Variants in PXDN observed in about 807,000 individuals in gnomAD.
The protein encoded by PXDN is peroxidasin, also known as peroxidasin homolog.
A neutral mutation model predicts 140.3 loss-of-function variants in PXDN; 77 were observed. That is an observed-to-expected ratio of 0.55 (90% CI 0.46 to 0.66). The LOEUF (loss-of-function observed/expected upper bound fraction) is 0.66, where lower values mean the gene tolerates loss of function less well. Ranked by LOEUF, PXDN falls within the 30% of genes least tolerant of loss-of-function variation. The pLI is 0.00. For missense variants in PXDN, 1,838 were observed against 2,039.5 expected (o/e 0.90, Z 1.90); for synonymous variants, 911 against 857.4 (o/e 1.06, Z -1.09).
At chr2:1,657,308 G>GT (rs1683167383) in intron 14 of PXDN, among the ~76,000 whole-genome samples, 1 of 147,312 alleles carries the variant, frequency 6.8e-6, no homozygotes, top group African/African-American at 2.5e-5. Context: ...ACAGGGACCT[G>GT]CCCCTCCTGA....
At chr2:1,668,673 T>C (rs1168213553) in intron 9 of PXDN, among the ~76,000 whole-genome samples, 1 of 150,844 alleles carries the variant, frequency 6.6e-6, no homozygotes, top group Non-Finnish European at 1.5e-5. Flanking sequence ...AAGAAATTTA[T>C]GTGGCCAACA....
chr2:1,690,749 G>T (rs541147309), intron 3 of PXDN, among the ~76,000 whole-genome samples: 1 of 149,754 alleles, frequency 6.7e-6, no homozygotes, highest in African/African-American at 2.4e-5. Context: ...ATGTTTATAT[G>T]AAATTAAAAA....
chr2:1,731,655 C>T (rs1181677353), intron 1 of PXDN, among the ~76,000 whole-genome samples: 3 of 152,170 alleles, frequency 2.0e-5, no homozygotes, highest in African/African-American at 7.2e-5. Context: ...CAGCCACAGA[C>T]GAAATGGAGA....
chr2:1,660,493 G>A lies in PXDN; in HGVS notation c.1837+388C>T, dbSNP rs1462422707. ...CCGAGGAGAGAGAAACCGCAGCTAA[G>A]GAATCAGAATCTCTTCAAGCAACCA... is the stretch of plus-strand genomic sequence containing the variant. On this transcript the variant is annotated intron_variant, in intron 14 of 22. Coordinates refer to ENST00000252804, the MANE Select transcript of PXDN (RefSeq NM_012293.3). This position sits in a 1 kb window ranked among gnomAD's most constrained non-coding sequence, Gnocchi z 4.6. 6.6e-6 allele frequency among the ~76,000 whole-genome samples: 1 copy of A among 152,240 alleles called. No individual in the cohort carries two copies. The highest frequency in any genetic ancestry group is 2.4e-5 in the African/African-American group (1 of 41,474).
chr2:1,663,165 G>A (rs1228030345), intron 12 of PXDN, among the ~76,000 whole-genome samples: 5 of 152,120 alleles, frequency 3.3e-5, no homozygotes, highest in Non-Finnish European at 4.4e-5. Context: ...AAGGATGAGC[G>A]GGCAGACGGG....
chr2:1,677,655 G>A (rs73180770), intron 7 of PXDN, among the ~76,000 whole-genome samples: 6,265 of 151,784 alleles, frequency 0.041, 437 homozygotes, highest in African/African-American at 0.14. Context: ...GGCCTTCCTC[G>A]AGGGCTGACG....
chr2:1,716,109 G>C (rs779751068), intron 1 of PXDN, among the ~76,000 whole-genome samples: 6 of 152,100 alleles, frequency 3.9e-5, no homozygotes, highest in Non-Finnish European at 8.8e-5. Context: ...ACAGATGCCT[G>C]GGCCTCTCTG....
At chr2:1,647,997 C>T (rs377168967) in intron 17 of PXDN, among the ~76,000 whole-genome samples, 175 bp downstream of exon 17, 2 of 152,130 alleles carry the variant, frequency 1.3e-5, no homozygotes, top group East Asian at 1.9e-4. Context: ...CCCACAACCA[C>T]GCAGCCACGG....
Position 1,643,204 on chromosome 2 carries a change from G to A in PXDN, c.3952+164C>T, listed in dbSNP as rs556306553. ...CAACTTTGTTCATATTTTTGGCTCC[G>A]CAGTCCATCTCAGCATGGATACAGC... On this transcript the variant is annotated intron_variant, in intron 19 of 22. Coordinates refer to ENST00000252804, the MANE Select transcript of PXDN (RefSeq NM_012293.3). Among the ~76,000 whole-genome samples, 7 of 152,252 alleles carry A rather than the reference G, an allele frequency of 4.6e-5. No individual in the cohort carries two copies. In the South Asian group the frequency reaches 6.2e-4, roughly 14 times the overall value.
intron 1 of PXDN, among the ~76,000 whole-genome samples, chr2:1,743,379 C>G (rs1017540102): frequency 6.6e-6 from 1 of 152,208 alleles, no homozygotes; most frequent in Non-Finnish European, 1.5e-5. Context: ...CGGGCTGCCC[C>G]GAGACTACCG....
chr2:1,743,373 C>T (rs1049366301), intron 1 of PXDN, among the ~76,000 whole-genome samples: 2 of 152,236 alleles, frequency 1.3e-5, no homozygotes, highest in African/African-American at 4.8e-5. Context: ...TAGACCCGGG[C>T]TGCCCCGAGA....
In PXDN at chr2:1,651,714, G is replaced by A. The variant is rs952899044; in HGVS notation, c.2104+1914C>T. Among the ~76,000 whole-genome samples the A allele has an allele frequency of 2.0e-5, 3 of 152,138 alleles. No homozygotes were observed. The highest frequency in any genetic ancestry group is 7.2e-5 in the African/African-American group (3 of 41,426). ...TCGCCCTTGTGGGGTCCCTGCTCAC[G>A]TGTCACCTTCGCCCATGGGGAACAG... On this transcript the variant is annotated intron_variant, in intron 16 of 22. Transcript: ENST00000252804. This position sits in a 1 kb window ranked among gnomAD's most constrained non-coding sequence, Gnocchi z 4.4.
intron 11 of PXDN, 99 bp downstream of exon 11, chr2:1,664,859 G>A (rs1683394107): frequency 9.4e-7 from 1 of 1,064,002 alleles, no homozygotes; most frequent in African/African-American, 1.6e-5. Context: ...GCTCAGCCCT[G>A]TCCAGAACAC....
At chr2:1,728,332 G>A (rs1181503462) in intron 1 of PXDN, among the ~76,000 whole-genome samples, 1 of 152,246 alleles carries the variant, frequency 6.6e-6, no homozygotes, top group Non-Finnish European at 1.5e-5. Flanking sequence ...GCACCTGCTG[G>A]CAGGGTCCCT....
intron 3 of PXDN, among the ~76,000 whole-genome samples, chr2:1,690,388 C>A (rs1186811479): frequency 6.6e-6 from 1 of 152,040 alleles, no homozygotes; most frequent in Non-Finnish European, 1.5e-5. Context: ...CAGATGAGGT[C>A]GGAAGAGGGT....
chr2:1,667,611 G>T (rs1353602987), intron 9 of PXDN, among the ~76,000 whole-genome samples: 1 of 152,040 alleles, frequency 6.6e-6, no homozygotes, highest in Non-Finnish European at 1.5e-5. Flanking sequence ...GAGTCTCAGG[G>T]CACAAAATCA....
rs1684041330 is a variant in PXDN at position 1,685,752 on chromosome 2, A to G, written c.417-1601T>C. Among the ~76,000 whole-genome samples the G allele has an allele frequency of 6.6e-6, 1 of 151,992 alleles. No homozygotes were observed. The highest frequency in any genetic ancestry group is 2.1e-4 in the South Asian group (1 of 4,820). On this transcript the variant is annotated intron_variant, in intron 4 of 22. Coordinates refer to ENST00000252804, the MANE Select transcript of PXDN (RefSeq NM_012293.3). The surrounding 1 kb of genome is among the most constrained non-coding windows in gnomAD (Gnocchi z 5.1). ...CACCTGCTGCACAGGTGCTACGGGA[A>G]ATGACGGCCCAGGGTGCACAGGATC...
chr2:1,684,259 T>G lies in PXDN; in HGVS notation c.417-108A>C, dbSNP rs558801792. ...CATTTCAAATTCAGATATCAATAGA[T>G]AGCTCACTCACTAGACTTCCTACAT... On this transcript the variant is annotated intron_variant, in intron 4 of 22. Transcript: ENST00000252804. The G allele has an allele frequency of 5.0e-6, 4 of 803,754 alleles. No individual in the cohort carries two copies. In the South Asian group the frequency reaches 6.1e-5, roughly 12 times the overall value. 49.8% of individuals were successfully genotyped at this position (803,754 alleles called of 1,614,324 possible).
chr2:1,648,995 G>C lies in PXDN; in HGVS notation c.2785C>G (p.Leu929Val). The C allele has an allele frequency of 1.2e-6, 2 of 1,611,858 alleles. No individual in the cohort carries two copies. The highest frequency in any genetic ancestry group is 1.7e-6 in the Non-Finnish European group (2 of 1,179,360). Residue 929 changes from leucine (L) to valine (V), a missense_variant, in exon 17 of 23, where the codon CTG becomes GTG. This residue lies in a region of PXDN where 850 missense variants were observed against 894.1 expected (regional missense o/e 0.95). Transcript: ENST00000252804. This position sits in a 1 kb window ranked among gnomAD's most constrained non-coding sequence, Gnocchi z 8.9. ...CGCAGCAGGCCGCGGTGGCTGGCCA[G>C]GTCGCGGATGCTGCGGGCCTCATGC... ...TEHEARSIRD[L>V]ASHRGLLRQG...
Sources: allele counts gnomAD v4.1 joint callset (sites outside exome capture counted in the v4.1 genomes callset), GRCh38; gene constraint gnomAD v4.1.1; regional missense constraint gnomAD v4.1.1; non-coding constraint Gnocchi (gnomAD v3.1); transcripts MANE v1.5; gene names NCBI Gene and HGNC (gene_info 2026-07-23, HGNC 2026-07-21).